C1orf167: variants seen among roughly 807,000 people sequenced by gnomAD.
C1orf167 encodes the protein uncharacterized protein C1orf167.
Under a neutral mutation model 176.5 loss-of-function variants are expected in C1orf167, and 153 were observed. That is an observed-to-expected ratio of 0.87 (90% confidence interval 0.76 to 0.99). The LOEUF (loss-of-function observed/expected upper bound fraction) is 0.99. Among genes scored for constraint, C1orf167 ranks in the 50% least tolerant of loss-of-function variants. The pLI is 0.00. For synonymous variants in C1orf167, 594 were observed against 752.7 expected (o/e 0.79, Z 3.45); for missense variants, 1,490 against 1,817.7 (o/e 0.82, Z 3.28).
intron 4 of C1orf167, 26 bp downstream of exon 4, chr1:11,767,290 G>A: frequency 8.3e-7 from 1 of 1,204,374 alleles, no homozygotes; most frequent in East Asian, 5.7e-5. Flanking sequence ...GGTGGGGACA[G>A]GGGTTGGAGT....
chr1:11,770,753 C>T (rs1013555493), intron 6 of C1orf167, among the ~76,000 whole-genome samples: 2 of 150,926 alleles, frequency 1.3e-5, no homozygotes, highest in East Asian at 1.9e-4. Context: ...TGAGCCACTG[C>T]GCCCGGCCTC....
At position 11,771,049 on chromosome 1, in the gene C1orf167, G is replaced by GTGTGTGTGTGTA. The variant is rs1491322371; in HGVS notation, c.1698-474_1698-473insGTGTGTGTGTAT. ...TGTGTGTATGTGTGTGTGTGTGTGT[G>GTGTGTGTGTGTA]TATATATATATATATATATATTTTT... On this transcript the variant is annotated intron_variant, in intron 6 of 20. Transcript: ENST00000688073. 8.0e-4 allele frequency among the ~76,000 whole-genome samples: 28 copies of GTGTGTGTGTGTA among 34,898 alleles called. 1 individual carries two copies. The highest frequency in any genetic ancestry group is 4.8e-3 in the South Asian group (3 of 620). 22.9% of individuals were successfully genotyped at this position (34,898 alleles called of 152,430 possible).
rs1374999629 is a variant in C1orf167, at chr1:11,788,275, C to A, written c.3975C>A (p.Gly1325=). The change falls in exon 19 of 21, where the codon GGC becomes GGA. Residue 1325 remains glycine (G), a synonymous_variant. Coordinates refer to ENST00000688073, the MANE Select transcript of C1orf167 (RefSeq NM_001010881.2). ...TACCTGCAGCGCCGGTGCCTCGAGG[C>A]ACTGCTTCACGGGCTGCGGGGTTCC... ...EEVPAAPVPR[G]TASRAAGFPA... 6.9e-6 allele frequency: 9 copies of A among 1,303,892 alleles called. No homozygotes were observed. The highest frequency in any genetic ancestry group is 9.1e-6 in the Non-Finnish European group (9 of 988,710). The allele number at this position is 1,303,892 out of a possible 1,614,324, so 80.8% of individuals were successfully genotyped here. A position where few individuals can be genotyped will look rare whatever the true frequency, so the allele number is the denominator to read the frequency against.
chr1:11,765,794 G>C (rs10218813), intron 2 of C1orf167, 63 bp from the exon 3 acceptor site: 773,856 of 1,169,968 alleles, frequency 0.66, 257,724 homozygotes, highest in Admixed American at 0.76. Flanking sequence ...GAGGCCTGGA[G>C]AGCTTCGCCT....
intron 8 of C1orf167, among the ~76,000 whole-genome samples, chr1:11,774,503 G>A (rs1643221199): frequency 6.6e-6 from 1 of 152,178 alleles, no homozygotes; most frequent in Non-Finnish European, 1.5e-5. Flanking sequence ...TTTAGTGCAG[G>A]AAGCTGACCT....
chr1:11,785,534 A>C (rs184025389), intron 16 of C1orf167, among the ~76,000 whole-genome samples: 286 of 152,278 alleles, frequency 1.9e-3, no homozygotes, highest in African/African-American at 6.7e-3. Context: ...CCCAGTTCTC[A>C]GTCAGCCTCT....
In C1orf167 at chr1:11,766,294, G is replaced by A. The variant is rs144306270; in HGVS notation, c.508G>A (p.Gly170Arg). 1,069 of 1,289,516 alleles carry A rather than the reference G, an allele frequency of 8.3e-4. 5 individuals carry two copies. The African/African-American group carries it at 9.1e-3, about 11-fold the overall frequency. 79.9% of individuals were successfully genotyped at this position (1,289,516 alleles called of 1,614,324 possible). Residue 170 changes from glycine to arginine, a missense_variant, in exon 3 of 21, where the codon GGG becomes AGG. Transcript: ENST00000688073. This position sits in a 1 kb window ranked among gnomAD's most constrained non-coding sequence, Gnocchi z 4.5. ...ARPSSCLRQSGLPAPGTPSGD... is the reference protein window; with the variant it reads ...ARPSSCLRQSRLPAPGTPSGD... ...CCCATCTTCCTGCCTGAGGCAGTCC[G>A]GGCTGCCGGCCCCAGGCACCCCTAG...
At chr1:11,788,459 C>T in intron 19 of C1orf167, 81 bp downstream of exon 19, 1 of 1,209,584 alleles carries the variant, frequency 8.3e-7, no homozygotes, top group East Asian at 5.8e-5. Flanking sequence ...AAAAGTATGG[C>T]CCTTGGACCT....
chr1:11,768,995 A>G lies in C1orf167; in HGVS notation c.1565A>G (p.Gln522Arg). The G allele has an allele frequency of 1.0e-6, 1 of 985,888 alleles. No individual in the cohort carries two copies. Among genetic ancestry groups the G allele is most frequent in the Non-Finnish European group, 1.2e-6 (1 of 829,966 alleles). The allele number at this position is 985,888 out of a possible 1,614,324, so 61.1% of individuals were successfully genotyped here. A position where few individuals can be genotyped will look rare whatever the true frequency, so the allele number is the denominator to read the frequency against. The change falls in exon 6 of 21, where the codon CAG becomes CGG. Residue 522 changes from glutamine to arginine, a missense_variant. Coordinates refer to ENST00000688073, the MANE Select transcript of C1orf167 (RefSeq NM_001010881.2). This position sits in a 1 kb window ranked among gnomAD's most constrained non-coding sequence, Gnocchi z 4.5. Reference protein sequence around the residue: ...FREWRNLALQQKQVQPHMQAG... With the variant: ...FREWRNLALQRKQVQPHMQAG... ...CAGTGGAGAAACCTGGCTTTACAGCAGAAACAAGTACAGCCCCACATGCAG... is the reference window on the plus strand; with the variant it reads ...CAGTGGAGAAACCTGGCTTTACAGCGGAAACAAGTACAGCCCCACATGCAG...
chr1:11,762,347 CTT>C (rs1460919420), intron 1 of C1orf167, 42 bp downstream of exon 1: 4 of 333,830 alleles, frequency 1.2e-5, no homozygotes, highest in African/African-American at 2.3e-5. Flanking sequence ...ACCTCAGACT[CTT>C]TTGGTGGCAA....
chr1:11,785,426 C>T (rs909787843), intron 16 of C1orf167, 137 bp downstream of exon 16: 35 of 979,948 alleles, frequency 3.6e-5, no homozygotes, highest in Non-Finnish European at 4.3e-5. Flanking sequence ...AAATGACCCT[C>T]GGACCACCGG....
At chr1:11,776,803 G>C (rs1472936286) in intron 10 of C1orf167, among the ~76,000 whole-genome samples, 165 bp downstream of exon 10, 1 of 152,206 alleles carries the variant, frequency 6.6e-6, no homozygotes, top group African/African-American at 2.4e-5. Context: ...ACACTGCGGT[G>C]CCCAGCCAAT....
Position 11,764,413 on chromosome 1 carries a change from T to A in C1orf167, c.13T>A (p.Ser5Thr), listed in dbSNP as rs966985530. Residue 5 changes from serine (S) to threonine (T), a missense_variant, in exon 2 of 21, where the codon TCT becomes ACT. Physicochemically the swap from Ser to Thr is moderately conservative, Grantham distance 58. Transcript: ENST00000688073. ...TGTCCCTGAGCCCATGGAGCTAAGGTCTGATGCCAGCCACAAGGAGAATGT... is the reference window on the plus strand; with the variant it reads ...TGTCCCTGAGCCCATGGAGCTAAGGACTGATGCCAGCCACAAGGAGAATGT... MELR[S>T]DASHKENVSP... 1.6e-6 allele frequency: 2 copies of A among 1,289,226 alleles called. No individual in the cohort carries two copies. Among genetic ancestry groups the A allele is most frequent in the Non-Finnish European group, 2.0e-6 (2 of 988,862 alleles). 79.9% of individuals were successfully genotyped at this position (1,289,226 alleles called of 1,614,324 possible).
intron 1 of C1orf167, among the ~76,000 whole-genome samples, chr1:11,763,497 C>T (rs1310487719): frequency 1.3e-5 from 2 of 151,756 alleles, no homozygotes; most frequent in African/African-American, 2.4e-5. Context: ...CTATTGAGCT[C>T]TGCTATTGCA....
intron 1 of C1orf167, among the ~76,000 whole-genome samples, chr1:11,763,493 A>G (rs1472502850): frequency 6.6e-6 from 1 of 151,834 alleles, no homozygotes; most frequent in African/African-American, 2.4e-5. Flanking sequence ...GCAGCTATTG[A>G]GCTCTGCTAT....
chr1:11,780,014 A>G lies in C1orf167; in HGVS notation c.2860+4A>G. The G allele has an allele frequency of 7.9e-7, 1 of 1,271,860 alleles. No individual in the cohort carries two copies. The allele number at this position is 1,271,860 out of a possible 1,614,324, so 78.8% of individuals were successfully genotyped here. ...CACTGGCACTCCTGTTGGCAGGGTG[A>G]GTGGAGACTTGGTCGGGGGCACTGC... On this transcript the variant is annotated splice_donor_region_variant and intron_variant, in intron 13 of 20. Transcript: ENST00000688073.
intron 2 of C1orf167, among the ~76,000 whole-genome samples, chr1:11,764,918 A>G (rs1220618961): frequency 1.3e-5 from 2 of 152,124 alleles, no homozygotes; most frequent in Admixed American, 1.3e-4. Context: ...GCCAGGCATG[A>G]TGGCGGGTGC....
chr1:11,773,540 T>G (rs1643178008), intron 8 of C1orf167, among the ~76,000 whole-genome samples: 1 of 151,936 alleles, frequency 6.6e-6, no homozygotes, highest in East Asian at 2.0e-4. Flanking sequence ...AAACCCCATC[T>G]CTACTAAAAA....
chr1:11,788,491 GA>G, intron 19 of C1orf167, 113 bp downstream of exon 19: 8 of 1,138,114 alleles, frequency 7.0e-6, no homozygotes, highest in Non-Finnish European at 9.3e-6. Flanking sequence ...AACCTTGGGG[GA>G]CAGGCCCAGG....
Sources: allele counts gnomAD v4.1 joint callset (sites outside exome capture counted in the v4.1 genomes callset), GRCh38; gene constraint gnomAD v4.1.1; non-coding constraint Gnocchi (gnomAD v3.1); transcripts MANE v1.5; gene names NCBI Gene and HGNC (gene_info 2026-07-23, HGNC 2026-07-21).